The following PLCE1 variants were observed in gnomAD, a reference collection of about 807,000 sequenced individuals.
PLCE1 encodes 1-phosphatidylinositol 4,5-bisphosphate phosphodiesterase epsilon-1.
PLCE1 carries 119 observed loss-of-function variants against 242.8 expected under a neutral mutation model. The ratio of observed to expected loss-of-function variants is 0.49; its 90% CI spans 0.42 to 0.57. The LOEUF is 0.57. Ranked by LOEUF, PLCE1 falls within the 20% of genes least tolerant of loss-of-function variation. The pLI is 0.00. For missense variants in PLCE1, 2,441 were observed against 2,788.8 expected (o/e 0.88, Z 2.81); for synonymous variants, 945 against 1,017.4 (o/e 0.93, Z 1.35).
intron 2 of PLCE1, among the ~76,000 whole-genome samples, chr10:94,067,101 A>AT (rs1427660387): frequency 1.2e-4 from 18 of 152,112 alleles, no homozygotes; most frequent in African/African-American, 4.1e-4. Context: ...TCTGCTTCTG[A>AT]TTTTCCTCCC....
intron 4 of PLCE1, among the ~76,000 whole-genome samples, chr10:94,190,150 C>A (rs1245322619): frequency 6.6e-6 from 1 of 152,076 alleles, no homozygotes; most frequent in East Asian, 1.9e-4. Context: ...CGTGGTAGTG[C>A]CCCCCTGTGA....
chr10:94,175,639 C>T (rs2048106185), intron 4 of PLCE1, among the ~76,000 whole-genome samples: 1 of 152,106 alleles, frequency 6.6e-6, no homozygotes. Context: ...CTCTTTTGTG[C>T]TATCAAATAC....
intron 13 of PLCE1, among the ~76,000 whole-genome samples, chr10:94,261,990 GTCT>G (rs2051314642): frequency 6.8e-6 from 1 of 147,518 alleles, no homozygotes; most frequent in African/African-American, 2.5e-5. Context: ...ACCTAGCTCT[GTCT>G]TCTTTTCCTT....
chr10:94,058,315 G>A (rs2043960056), intron 2 of PLCE1, among the ~76,000 whole-genome samples: 1 of 152,142 alleles, frequency 6.6e-6, no homozygotes, highest in African/African-American at 2.4e-5. Flanking sequence ...GATTTTGCCT[G>A]TCTCTGGAAT....
chr10:94,076,210 A>G (rs567470532), intron 2 of PLCE1, among the ~76,000 whole-genome samples: 156 of 152,288 alleles, frequency 1.0e-3, no homozygotes, highest in African/African-American at 3.7e-3. Flanking sequence ...TAAAAGAGCT[A>G]AATAAATAAA....
chr10:94,200,783 T>A (rs972113871), intron 4 of PLCE1, among the ~76,000 whole-genome samples: 1 of 152,246 alleles, frequency 6.6e-6, no homozygotes, highest in Non-Finnish European at 1.5e-5. Flanking sequence ...TGATAGTGTG[T>A]GCCCTGGATA....
chr10:94,204,190 T>C (rs965568542), intron 4 of PLCE1, among the ~76,000 whole-genome samples: 2 of 151,770 alleles, frequency 1.3e-5, no homozygotes, highest in African/African-American at 4.8e-5. Flanking sequence ...TGGGCAGAGG[T>C]TCCTGGCAGC....
chr10:94,280,015 G>A, intron 20 of PLCE1, 104 bp downstream of exon 20: 1 of 1,173,282 alleles, frequency 8.5e-7, no homozygotes, highest in Non-Finnish European at 1.3e-6. Context: ...CAGTAATACG[G>A]ATGGTTGTAA....
chr10:94,055,684 C>G (rs2043885190), intron 2 of PLCE1, among the ~76,000 whole-genome samples: 1 of 152,118 alleles, frequency 6.6e-6, no homozygotes, highest in Non-Finnish European at 1.5e-5. Context: ...TTGTTATAAC[C>G]TTGGGCAGTG....
chr10:94,306,437 G>C lies in PLCE1; in HGVS notation c.5633G>C (p.Gly1878Ala). The part of the protein sequence containing the change: ...PAVYSLTIVS[G>A]QNVCPSNSMG... Reference sequence around the variant, plus strand: ...TCTCCCTCACCCTAGATTGTCTCTGGTCAGAATGTGTGCCCCAGTAATAGC... The same window carrying C: ...TCTCCCTCACCCTAGATTGTCTCTGCTCAGAATGTGTGCCCCAGTAATAGC... The change falls in exon 26 of 33, where the codon GGT becomes GCT. Residue 1878 changes from glycine (G) to alanine (A), a missense_variant. By Grantham distance (60) the Gly-to-Ala change is moderately conservative. Coordinates refer to ENST00000371380, the MANE Select transcript of PLCE1 (RefSeq NM_016341.4). The surrounding 1 kb of genome is among the most constrained non-coding windows in gnomAD (Gnocchi z 5.7). 8 of 1,614,002 alleles carry C rather than the reference G, an allele frequency of 5.0e-6. No individual in the cohort carries two copies. The highest frequency in any genetic ancestry group is 6.8e-6 in the Non-Finnish European group (8 of 1,179,994).
intron 24 of PLCE1, among the ~76,000 whole-genome samples, chr10:94,300,943 T>A (rs911685503): frequency 6.6e-6 from 1 of 152,148 alleles, no homozygotes; most frequent in Non-Finnish European, 1.5e-5. Flanking sequence ...TGTATGCCTG[T>A]AGTCCCAGCT....
chr10:94,150,822 C>A (rs2047252389), intron 3 of PLCE1, among the ~76,000 whole-genome samples: 1 of 152,144 alleles, frequency 6.6e-6, no homozygotes, highest in African/African-American at 2.4e-5. Flanking sequence ...CCTGGGGAGG[C>A]CTCTGGTTGG....
At chr10:94,288,781 T>G (rs1165955409) in intron 22 of PLCE1, among the ~76,000 whole-genome samples, 2 of 152,188 alleles carry the variant, frequency 1.3e-5, no homozygotes, top group African/African-American at 4.8e-5. Context: ...AGGAGCCACA[T>G]GGGGAGAGCC....
intron 1 of PLCE1, among the ~76,000 whole-genome samples, chr10:94,017,546 G>A (rs556462680): frequency 6.6e-6 from 1 of 152,194 alleles, no homozygotes; most frequent in East Asian, 1.9e-4. Context: ...GTCATTGATG[G>A]GCATCCATGA....
chr10:94,309,449 G>A (rs1354069992), intron 27 of PLCE1, among the ~76,000 whole-genome samples: 1 of 152,036 alleles, frequency 6.6e-6, no homozygotes, highest in Non-Finnish European at 1.5e-5. Context: ...TCCCACCTCA[G>A]CCTCCTGAGT....
intron 4 of PLCE1, among the ~76,000 whole-genome samples, chr10:94,214,947 G>T (rs377482404): frequency 2.0e-5 from 3 of 152,118 alleles, no homozygotes; most frequent in African/African-American, 7.2e-5. Context: ...CTATGTTCTT[G>T]TCCTTCACTC....
At chr10:94,161,798 T>C (rs1169275245) in intron 3 of PLCE1, among the ~76,000 whole-genome samples, 1 of 152,152 alleles carries the variant, frequency 6.6e-6, no homozygotes, top group African/African-American at 2.4e-5. Flanking sequence ...GGGTTTGTCA[T>C]AGATAGCTCT....
intron 1 of PLCE1, among the ~76,000 whole-genome samples, chr10:94,030,039 A>G (rs776290596): frequency 2.6e-5 from 4 of 152,176 alleles, no homozygotes; most frequent in Non-Finnish European, 5.9e-5. Flanking sequence ...ATGCCTGGAA[A>G]AGTTTTTACT....
In PLCE1 at chr10:94,031,709, G is replaced by A. The variant is rs1256062254; in HGVS notation, c.663G>A (p.Gly221=). The change falls in exon 2 of 33, where the codon GGG becomes GGA. Residue 221 remains glycine (G), a synonymous_variant. Coordinates refer to ENST00000371380, the MANE Select transcript of PLCE1 (RefSeq NM_016341.4). ...GTGGAAATTGTGTACCACTACCTGG[G>A]GGTGAGGAGAAGCAAAAGAAAAACT... The part of the protein sequence containing the change: ...DDCGNCVPLP[G]GEEKQKKNYV... 6.2e-7 allele frequency: 1 copy of A among 1,613,808 alleles called. No homozygotes were observed.
Sources: gnomAD v4.1 joint callset for allele counts (sites outside exome capture counted in the v4.1 genomes callset) on GRCh38, gnomAD v4.1.1 for gene constraint, Gnocchi (gnomAD v3.1) non-coding constraint, MANE v1.5 for transcripts, NCBI Gene and HGNC (gene_info 2026-07-23, HGNC 2026-07-21) for gene names.